The following SMAD1 variants were observed in gnomAD, a reference collection of about 807,000 sequenced individuals.
The protein encoded by SMAD1 is MAD, mothers against decapentaplegic homolog 1.
SMAD1 carries 6 observed loss-of-function variants against 41.6 expected under a neutral mutation model. The observed-to-expected ratio is 0.14, with a 90% CI of 0.08 to 0.28. The LOEUF is 0.28. Among genes scored for constraint, SMAD1 ranks in the 10% least tolerant of loss-of-function variants. The pLI is 1.00. For synonymous variants in SMAD1, 206 were observed against 203.2 expected (o/e 1.01, Z -0.12); for missense variants, 379 against 582.6 (o/e 0.65, Z 3.60).
At chr4:145,509,760 A>G (rs1379685824) in intron 1 of SMAD1, among the ~76,000 whole-genome samples, 1 of 152,178 alleles carries the variant, frequency 6.6e-6, no homozygotes, top group Non-Finnish European at 1.5e-5. Flanking sequence ...ATAATAGCAT[A>G]GTTTTGTTTT....
At position 145,514,133 on chromosome 4, in the gene SMAD1, C is replaced by G. The variant is rs1222941044; in HGVS notation, c.-176-305C>G. Among the ~76,000 whole-genome samples, 3 of 152,094 alleles carry G rather than the reference C, an allele frequency of 2.0e-5. No homozygotes were observed. The highest frequency in any genetic ancestry group is 2.9e-5 in the Non-Finnish European group (2 of 68,006). ...CAGATGATCACCTTCTTGCAGTACC[C>G]TCAGTGTGTGTGCATAGAGGCTGGA... is the stretch of plus-strand genomic sequence containing the variant. On this transcript the variant is annotated intron_variant, in intron 1 of 6. Coordinates refer to ENST00000302085, the MANE Select transcript of SMAD1 (RefSeq NM_005900.3). The surrounding 1 kb of genome is among the most constrained non-coding windows in gnomAD (Gnocchi z 4.7).
chr4:145,513,942 G>C (rs1730234370), intron 1 of SMAD1, among the ~76,000 whole-genome samples: 1 of 152,192 alleles, frequency 6.6e-6, no homozygotes. Context: ...ATTGTGAAAA[G>C]CATTAAATGC....
chr4:145,536,499 A>C (rs1731621632), intron 2 of SMAD1, among the ~76,000 whole-genome samples: 1 of 152,182 alleles, frequency 6.6e-6, no homozygotes, highest in Non-Finnish European at 1.5e-5. Context: ...ATGACCATCA[A>C]AATAGATAAA....
chr4:145,497,297 C>T (rs1729136846), intron 1 of SMAD1: 1 of 152,154 alleles, frequency 6.6e-6, no homozygotes, highest in Non-Finnish European at 1.5e-5. Context: ...GCTCAGGATG[C>T]GTGGAAGATG....
At chr4:145,507,290 C>T (rs541999737) in intron 1 of SMAD1, among the ~76,000 whole-genome samples, 1 of 151,810 alleles carries the variant, frequency 6.6e-6, no homozygotes, top group East Asian at 1.9e-4. Context: ...AGGAGAGAGA[C>T]ACATTACTAA....
In SMAD1 at chr4:145,542,638, T is replaced by C. The variant is rs1732011207; in HGVS notation, c.715T>C (p.Ser239Pro). The C allele has an allele frequency of 1.2e-6, 2 of 1,613,570 alleles. No homozygotes were observed. The highest frequency in any genetic ancestry group is 2.2e-5 in the South Asian group (2 of 90,938). The change falls in exon 4 of 7, where the codon TCT becomes CCT. Residue 239 changes from serine to proline, a missense_variant. This residue lies in a region of SMAD1 where 208 missense variants were observed against 210.5 expected (regional missense o/e 0.99). Transcript: ENST00000302085. ...PPEDPMTQDG[S>P]QPMDTNMMAP... ...TGAAGACCCCATGACCCAGGATGGC[T>C]CTCAGCCGATGGACACAAACATGAT...
At chr4:145,510,308 G>T (rs1221101636) in intron 1 of SMAD1, among the ~76,000 whole-genome samples, 1 of 151,754 alleles carries the variant, frequency 6.6e-6, no homozygotes, top group African/African-American at 2.4e-5. Context: ...CTTTCTTTGG[G>T]TTTATTTTTC....
chr4:145,520,795 G>A (rs766307654), intron 2 of SMAD1, among the ~76,000 whole-genome samples: 2 of 152,026 alleles, frequency 1.3e-5, no homozygotes, highest in Non-Finnish European at 2.9e-5. Flanking sequence ...GTAATATTAC[G>A]GACGGGAATA....
chr4:145,485,240 T>A (rs949663025), intron 1 of SMAD1, among the ~76,000 whole-genome samples: 36 of 152,082 alleles, frequency 2.4e-4, no homozygotes, highest in Admixed American at 6.6e-4. Flanking sequence ...CCTGACTAAT[T>A]TGTTTTTGTA....
intron 5 of SMAD1, among the ~76,000 whole-genome samples, chr4:145,548,202 TTTTATTTA>T (rs377511852): frequency 3.0e-4 from 46 of 152,020 alleles, no homozygotes; most frequent in African/African-American, 4.6e-4. Context: ...TTTTACTTCA[TTTTATTTA>T]TTTATTTATT....
Position 145,546,308 on chromosome 4 carries a change from T to C in SMAD1, c.776-395T>C, listed in dbSNP as rs570573721. ...ATATTTTCAGTCTTCTATTGTTCTC[T>C]TCCCACTTATTTTTTCACTTGTCAC... On this transcript the variant is annotated intron_variant, in intron 4 of 6. Transcript: ENST00000302085. 2 of 195,750 alleles carry C rather than the reference T, an allele frequency of 1.0e-5. 1 individual carries two copies. The highest frequency in any genetic ancestry group is 1.1e-4 in the Admixed American group (2 of 18,962). 12.1% of individuals were successfully genotyped at this position (195,750 alleles called of 1,614,324 possible). A position where few individuals can be genotyped will look rare whatever the true frequency, so the allele number is the denominator to read the frequency against.
At chr4:145,507,870 T>A (rs1486662261) in intron 1 of SMAD1, among the ~76,000 whole-genome samples, 1 of 152,156 alleles carries the variant, frequency 6.6e-6, no homozygotes, top group African/African-American at 2.4e-5. Context: ...TGGACTCATT[T>A]GAGTTCCTTA....
intron 4 of SMAD1, chr4:145,544,966 T>A (rs1470519719): frequency 6.6e-6 from 1 of 152,214 alleles, no homozygotes; most frequent in Non-Finnish European, 1.5e-5. Flanking sequence ...TTCATTTAAA[T>A]AGCTTTAATT....
At chr4:145,554,100 T>C in intron 6 of SMAD1, 60 bp downstream of exon 6, 1 of 1,492,416 alleles carries the variant, frequency 6.7e-7, no homozygotes, top group Non-Finnish European at 9.0e-7. Context: ...GCTTTTTTTT[T>C]TTTTTTTTGG....
chr4:145,525,218 C>G (rs1688119769), intron 2 of SMAD1, among the ~76,000 whole-genome samples: 1 of 152,224 alleles, frequency 6.6e-6, no homozygotes, highest in Non-Finnish European at 1.5e-5. Flanking sequence ...AGATTGCTTT[C>G]TCTCAAATAT....
intron 6 of SMAD1, among the ~76,000 whole-genome samples, chr4:145,555,030 T>A (rs1338069274): frequency 6.6e-6 from 1 of 152,206 alleles, no homozygotes; most frequent in Non-Finnish European, 1.5e-5. Context: ...TTCCTACTTA[T>A]TTAAAGCATC....
At chr4:145,509,958 A>G (rs569869918) in intron 1 of SMAD1, among the ~76,000 whole-genome samples, 3 of 152,204 alleles carry the variant, frequency 2.0e-5, no homozygotes, top group Non-Finnish European at 2.9e-5. Context: ...AGAATCAGCT[A>G]TGTGCCAGGT....
chr4:145,536,303 T>C (rs928244148), intron 2 of SMAD1, among the ~76,000 whole-genome samples: 1 of 152,120 alleles, frequency 6.6e-6, no homozygotes, highest in Non-Finnish European at 1.5e-5. Context: ...ATCCCAGATT[T>C]TGGTTTCTAA....
In SMAD1 at chr4:145,553,802, T is replaced by A. The variant is rs1168211211; in HGVS notation, c.1016T>A (p.Val339Asp). The change falls in exon 6 of 7, where the codon GTT becomes GAT. Residue 339 changes from valine (V) to aspartate (D), a missense_variant. This residue lies in a region of SMAD1 where 107 missense variants were observed against 218.3 expected (regional missense o/e 0.49). Transcript: ENST00000302085. ...HIGKGVHLYY[V>D]GGEVYAECLS... Reference sequence around the variant, plus strand: ...CCTATAGGAGTTCATCTTTATTATGTTGGAGGGGAGGTGTATGCCGAATGC... The same window carrying A: ...CCTATAGGAGTTCATCTTTATTATGATGGAGGGGAGGTGTATGCCGAATGC... The A allele has an allele frequency of 1.2e-6, 2 of 1,613,848 alleles. No homozygotes were observed. The highest frequency in any genetic ancestry group is 1.7e-6 in the Non-Finnish European group (2 of 1,179,808).
Sources: allele counts gnomAD v4.1 joint callset (sites outside exome capture counted in the v4.1 genomes callset), GRCh38; gene constraint gnomAD v4.1.1; regional missense constraint gnomAD v4.1.1; non-coding constraint Gnocchi (gnomAD v3.1); transcripts MANE v1.5; gene names NCBI Gene and HGNC (gene_info 2026-07-23, HGNC 2026-07-21).